The following SNX9 variants were observed in gnomAD, a reference collection of about 807,000 sequenced individuals.
The protein encoded by SNX9 is sorting nexin-9.
A neutral mutation model predicts 89.4 loss-of-function variants in SNX9; 44 were observed. That is an observed-to-expected ratio of 0.49 (90% CI 0.39 to 0.63). The LOEUF (loss-of-function observed/expected upper bound fraction) is 0.63. Among genes scored for constraint, SNX9 ranks in the 30% least tolerant of loss-of-function variants. SNX9 has a pLI of 0.00. For synonymous variants in SNX9, 236 were observed against 247.8 expected (o/e 0.95, Z 0.45); for missense variants, 578 against 736.1 (o/e 0.79, Z 2.49).
intron 1 of SNX9, among the ~76,000 whole-genome samples, chr6:157,862,931 G>T (rs1782174385): frequency 6.6e-6 from 1 of 152,320 alleles, no homozygotes; most frequent in East Asian, 1.9e-4. Flanking sequence ...AGCTCATGAG[G>T]AGATACATTG....
rs373168852 is a variant in SNX9 at position 157,903,226 on chromosome 6, G to T, written c.620+1181G>T. Among the ~76,000 whole-genome samples, 29 of 152,280 alleles carry T rather than the reference G, an allele frequency of 1.9e-4. 1 individual carries two copies. In the East Asian group the frequency reaches 5.0e-3, roughly 26 times the overall value. Reference sequence around the variant, plus strand: ...TATTCCAATTCCATGATTCAAGGCAGATATCAAAGAATGTTAATCTGTGTC... The same window carrying T: ...TATTCCAATTCCATGATTCAAGGCATATATCAAAGAATGTTAATCTGTGTC... On this transcript the variant is annotated intron_variant, in intron 6 of 17. Transcript: ENST00000392185.
chr6:157,869,595 T>C (rs1363361098), intron 2 of SNX9, among the ~76,000 whole-genome samples: 1 of 152,214 alleles, frequency 6.6e-6, no homozygotes, highest in African/African-American at 2.4e-5. Context: ...GCCAGCGCCC[T>C]GAGCTAAGCT....
intron 4 of SNX9, among the ~76,000 whole-genome samples, chr6:157,896,015 T>C (rs933213830): frequency 6.6e-6 from 1 of 152,214 alleles, no homozygotes; most frequent in Non-Finnish European, 1.5e-5. Context: ...CCATCAACTT[T>C]TTTTCTGTTG....
chr6:157,826,870 G>A (rs867307172), intron 1 of SNX9, among the ~76,000 whole-genome samples: 1 of 89,076 alleles, frequency 1.1e-5, no homozygotes, highest in Non-Finnish European at 1.9e-5. Flanking sequence ...ATATATTATA[G>A]TTTATATAAT....
chr6:157,824,709 T>C (rs2115098924), intron 1 of SNX9, among the ~76,000 whole-genome samples: 1 of 152,338 alleles, frequency 6.6e-6, no homozygotes, highest in Middle Eastern at 3.4e-3. Flanking sequence ...CCAGGGAACC[T>C]GTTGCTGCTG....
intron 2 of SNX9, 132 bp from the exon 3 acceptor site, chr6:157,872,970 G>T: frequency 1.9e-6 from 1 of 521,570 alleles, no homozygotes; most frequent in Non-Finnish European, 3.1e-6. Flanking sequence ...GATTTTGAAC[G>T]GTGTTCTCTA....
intron 1 of SNX9, among the ~76,000 whole-genome samples, chr6:157,858,069 G>T (rs1241006389): frequency 6.6e-6 from 1 of 151,996 alleles, no homozygotes; most frequent in Non-Finnish European, 1.5e-5. Context: ...TCTCGGATCT[G>T]CAGAGTTACT....
intron 9 of SNX9, among the ~76,000 whole-genome samples, chr6:157,911,064 G>A (rs1783331929): frequency 6.6e-6 from 1 of 152,138 alleles, no homozygotes; most frequent in Non-Finnish European, 1.5e-5. Context: ...GGTGAGCCGA[G>A]ATTGCGCCAC....
intron 5 of SNX9, among the ~76,000 whole-genome samples, chr6:157,898,854 C>G (rs947703470): frequency 6.6e-6 from 1 of 152,224 alleles, no homozygotes; most frequent in African/African-American, 2.4e-5. Flanking sequence ...CAGTCATAGA[C>G]AGGAGCTGCC....
At chr6:157,865,354 A>C (rs1333399202) in intron 1 of SNX9, among the ~76,000 whole-genome samples, 1 of 150,168 alleles carries the variant, frequency 6.7e-6, no homozygotes, top group Non-Finnish European at 1.5e-5. Flanking sequence ...AAAAAAAAAA[A>C]AAAAACACCA....
intron 13 of SNX9, 131 bp downstream of exon 13, chr6:157,932,403 C>T: frequency 1.3e-6 from 1 of 748,620 alleles, no homozygotes; most frequent in Non-Finnish European, 2.3e-6. Flanking sequence ...ATTGGCTAGG[C>T]TGCCGCACTA....
intron 5 of SNX9, among the ~76,000 whole-genome samples, chr6:157,899,257 T>G (rs1052176397): frequency 6.6e-6 from 1 of 152,190 alleles, no homozygotes; most frequent in Non-Finnish European, 1.5e-5. Flanking sequence ...AATGTCCCCC[T>G]CGTTGCCCTT....
At position 157,896,995 on chromosome 6, in the gene SNX9, C is replaced by G; in HGVS notation, c.469C>G (p.Pro157Ala). Reference sequence around the variant, plus strand: ...CGGCCACCCCCAGGCCTACCAAGGACCAGGTGAGGAGAGGGGTGCAAGGTC... The same window carrying G: ...CGGCCACCCCCAGGCCTACCAAGGAGCAGGTGAGGAGAGGGGTGCAAGGTC... ...AFGHPQAYQGPATGDDDDWDE... is the reference protein window; with the variant it reads ...AFGHPQAYQGAATGDDDDWDE... The change falls in exon 5 of 18, where the codon CCA becomes GCA. Residue 157 changes from proline (P) to alanine (A), a missense_variant. Pro to Ala is a conservative substitution (Grantham distance 27, BLOSUM62 -1). Transcript: ENST00000392185. 6.3e-7 allele frequency: 1 copy of G among 1,592,764 alleles called. No individual in the cohort carries two copies. Among genetic ancestry groups the G allele is most frequent in the Non-Finnish European group, 8.5e-7 (1 of 1,173,076 alleles).
intron 3 of SNX9, chr6:157,874,155 G>T (rs1228652887): frequency 6.6e-6 from 1 of 152,264 alleles, no homozygotes; most frequent in Non-Finnish European, 1.5e-5. Context: ...TCCTTCTGTT[G>T]TTGATAGACA....
At chr6:157,930,518 G>A (rs932895935) in intron 12 of SNX9, among the ~76,000 whole-genome samples, 5 of 152,180 alleles carry the variant, frequency 3.3e-5, no homozygotes, top group African/African-American at 1.2e-4. Context: ...GGCAAGTGAA[G>A]CTTCATCTCT....
At chr6:157,884,034 C>G (rs993128308) in intron 4 of SNX9, among the ~76,000 whole-genome samples, 4 of 152,116 alleles carry the variant, frequency 2.6e-5, no homozygotes, top group African/African-American at 7.2e-5. Flanking sequence ...AAAAGACTTA[C>G]AGATTTCCTG....
At chr6:157,902,462 C>A (rs1274631062) in intron 6 of SNX9, among the ~76,000 whole-genome samples, 4 of 152,058 alleles carry the variant, frequency 2.6e-5, no homozygotes, top group African/African-American at 9.7e-5. Context: ...TCGCATGTAG[C>A]CCTCATATCC....
chr6:157,919,882 C>T (rs552441466), intron 9 of SNX9, among the ~76,000 whole-genome samples: 2 of 148,764 alleles, frequency 1.3e-5, no homozygotes, highest in Non-Finnish European at 3.0e-5. Flanking sequence ...GTTGTTTCTG[C>T]TTTTTATTTG....
At chr6:157,838,921 G>A (rs868445616) in intron 1 of SNX9, among the ~76,000 whole-genome samples, 2 of 152,192 alleles carry the variant, frequency 1.3e-5, no homozygotes, top group African/African-American at 4.8e-5. Flanking sequence ...CTTTGTGGCC[G>A]AGGACATAGC....
Sources: gnomAD v4.1 joint callset for allele counts (sites outside exome capture counted in the v4.1 genomes callset) on GRCh38, gnomAD v4.1.1 for gene constraint, MANE v1.5 for transcripts, NCBI Gene and HGNC (gene_info 2026-07-23, HGNC 2026-07-21) for gene names.